NFIA: variants seen among roughly 807,000 people sequenced by gnomAD.
The protein encoded by NFIA is nuclear factor I A.
Under a neutral mutation model 62.8 loss-of-function variants are expected in NFIA, and 8 were observed. The ratio of observed to expected loss-of-function variants is 0.13; its 90% CI spans 0.07 to 0.23. The LOEUF is 0.23. Among genes scored for constraint, NFIA ranks in the 10% least tolerant of loss-of-function variants. The pLI is 1.00. For synonymous variants in NFIA, 235 were observed against 238.1 expected (o/e 0.99, Z 0.12); for missense variants, 410 against 642.1 (o/e 0.64, Z 3.91).
chr1:61,377,292 C>T (rs7532823), intron 6 of NFIA, among the ~76,000 whole-genome samples: 2 of 151,746 alleles, frequency 1.3e-5, no homozygotes, highest in Non-Finnish European at 2.9e-5. Flanking sequence ...ACATAGTGGG[C>T]ACTTCATAAT....
At chr1:61,329,739 G>A (rs1311209710) in intron 3 of NFIA, among the ~76,000 whole-genome samples, 1 of 152,152 alleles carries the variant, frequency 6.6e-6, no homozygotes, top group Non-Finnish European at 1.5e-5. Context: ...TGTGCCCCTA[G>A]CATGATGCAT....
At chr1:61,300,938 T>C (rs1659466212) in intron 3 of NFIA, among the ~76,000 whole-genome samples, 1 of 152,130 alleles carries the variant, frequency 6.6e-6, no homozygotes, top group Admixed American at 6.6e-5. Flanking sequence ...AGAAAAAGAA[T>C]TGAACAAAGG....
intron 3 of NFIA, among the ~76,000 whole-genome samples, chr1:61,319,274 G>A (rs1660536041): frequency 6.6e-6 from 1 of 151,876 alleles, no homozygotes. Context: ...CTAAAAAATT[G>A]GTAAAATATA....
intron 2 of NFIA, among the ~76,000 whole-genome samples, chr1:61,239,242 G>A (rs1314094835): frequency 1.3e-5 from 2 of 152,064 alleles, no homozygotes; most frequent in Admixed American, 1.3e-4. Flanking sequence ...GAATAAAGTG[G>A]CACAACAACA....
At chr1:61,295,830 A>G (rs771966028) in intron 3 of NFIA, among the ~76,000 whole-genome samples, 50 of 152,236 alleles carry the variant, frequency 3.3e-4, no homozygotes, top group Non-Finnish European at 6.2e-4. Context: ...ATTTTGAGTC[A>G]TTAGGAATTC....
rs1037497572 is a variant in NFIA, at chr1:61,460,238, G to A, written c.*4918G>A. On this transcript the variant is annotated 3_prime_UTR_variant, in exon 11 of 11. Coordinates refer to ENST00000403491, the MANE Select transcript of NFIA (RefSeq NM_001134673.4). ...TCTCCACGTCCAAGGCTGTGCATTC[G>A]TCTAATTAGCGTCGTGTATGTTTTC... The A allele has an allele frequency of 2.0e-5, 3 of 152,180 alleles. No individual in the cohort carries two copies. Among genetic ancestry groups the A allele is most frequent in the Non-Finnish European group, 4.4e-5 (3 of 68,026 alleles). 9.4% of individuals were successfully genotyped at this position (152,180 alleles called of 1,614,324 possible). A position where few individuals can be genotyped will look rare whatever the true frequency, so the allele number is the denominator to read the frequency against.
chr1:61,078,853 T>C (rs1646062986), upstream of NFIA, among the ~76,000 whole-genome samples: 1 of 152,216 alleles, frequency 6.6e-6, no homozygotes, highest in Non-Finnish European at 1.5e-5. Flanking sequence ...TCTGGCCTCT[T>C]GGACAAGTGC....
At chr1:61,294,122 T>C (rs1659054427) in intron 3 of NFIA, among the ~76,000 whole-genome samples, 1 of 152,256 alleles carries the variant, frequency 6.6e-6, no homozygotes, top group South Asian at 2.1e-4. Flanking sequence ...AAGTTTGATT[T>C]GCAGGTGTGT....
chr1:61,352,317 A>G (rs1662586094), intron 4 of NFIA, 133 bp from the exon 5 acceptor site: 3 of 634,630 alleles, frequency 4.7e-6, no homozygotes, highest in African/African-American at 3.6e-5. Flanking sequence ...GTCATAGTTT[A>G]TTACTGATTA....
At chr1:61,102,312 A>G (rs1646525133) in intron 2 of NFIA, among the ~76,000 whole-genome samples, 1 of 152,234 alleles carries the variant, frequency 6.6e-6, no homozygotes. Flanking sequence ...GTTCCTTCAG[A>G]GAAAGAGAAA....
chr1:61,114,601 T>C (rs1646765549), intron 2 of NFIA, among the ~76,000 whole-genome samples: 1 of 152,208 alleles, frequency 6.6e-6, no homozygotes, highest in Admixed American at 6.5e-5. Context: ...ACGTTTCTCT[T>C]TGAGGGTGGC....
At chr1:61,328,711 AC>A (rs1442526896) in intron 3 of NFIA, among the ~76,000 whole-genome samples, 5 of 139,926 alleles carry the variant, frequency 3.6e-5, no homozygotes, top group Non-Finnish European at 7.7e-5. Flanking sequence ...AAACCACCGC[AC>A]CCGGCCTATA....
intron 2 of NFIA, among the ~76,000 whole-genome samples, chr1:61,090,795 G>A (rs1205119707): frequency 1.3e-5 from 2 of 152,160 alleles, no homozygotes; most frequent in Non-Finnish European, 2.9e-5. Flanking sequence ...TCACGGGACC[G>A]CAGTAATGGC....
At chr1:61,415,244 A>G (rs1239943733) in intron 9 of NFIA, among the ~76,000 whole-genome samples, 2 of 152,226 alleles carry the variant, frequency 1.3e-5, no homozygotes, top group African/African-American at 2.4e-5. Flanking sequence ...AATCAAAAAT[A>G]TAATATTAAG....
chr1:61,218,802 TTTA>T (rs1467387346), intron 2 of NFIA, among the ~76,000 whole-genome samples: 4 of 152,352 alleles, frequency 2.6e-5, no homozygotes, highest in South Asian at 2.1e-4. Context: ...TTTGCAAGTT[TTTA>T]TTATTATAAT....
intron 2 of NFIA, among the ~76,000 whole-genome samples, chr1:61,225,553 CTTTTTTTTTT>C (rs71244590): frequency 8.2e-6 from 1 of 122,592 alleles, no homozygotes; most frequent in Non-Finnish European, 1.7e-5. Flanking sequence ...CCAGCTCGTA[CTTTTTTTTTT>C]TTTTTTTTTG....
intron 2 of NFIA, among the ~76,000 whole-genome samples, chr1:61,194,854 A>G (rs1214782597): frequency 6.6e-6 from 1 of 152,176 alleles, no homozygotes; most frequent in African/African-American, 2.4e-5. Flanking sequence ...AGGGTTCTCA[A>G]AACTGTTTAA....
chr1:61,118,145 A>G (rs1240454920), intron 2 of NFIA, among the ~76,000 whole-genome samples: 1 of 151,238 alleles, frequency 6.6e-6, no homozygotes, highest in Non-Finnish European at 1.5e-5. Context: ...AGGCCGCACC[A>G]CTGCACTCCA....
chr1:61,367,745 A>G (rs954396367), intron 6 of NFIA, among the ~76,000 whole-genome samples: 7 of 152,152 alleles, frequency 4.6e-5, no homozygotes, highest in African/African-American at 1.7e-4. Context: ...GCTCCTTGTA[A>G]TTGGAGTCTA....
Sources: gnomAD v4.1 joint callset for allele counts (sites outside exome capture counted in the v4.1 genomes callset) on GRCh38, gnomAD v4.1.1 for gene constraint, MANE v1.5 for transcripts, NCBI Gene and HGNC (gene_info 2026-07-23, HGNC 2026-07-21) for gene names.